The following PDE7B variants were observed in gnomAD, a reference collection of about 807,000 sequenced individuals.
The protein encoded by PDE7B is 3',5'-cyclic-AMP phosphodiesterase 7B.
PDE7B carries 29 observed loss-of-function variants against 56.2 expected under a neutral mutation model. The observed-to-expected ratio is 0.52, with a 90% CI of 0.38 to 0.70. The LOEUF is 0.70. Ranked by LOEUF, PDE7B falls within the 30% of genes least tolerant of loss-of-function variation. The pLI is 0.00. For missense variants in PDE7B, 490 were observed against 565.0 expected (o/e 0.87, Z 1.35); for synonymous variants, 197 against 196.9 (o/e 1.00, Z 0.00).
intron 8 of PDE7B, among the ~76,000 whole-genome samples, chr6:136,158,358 A>G (rs1214844893): frequency 6.6e-6 from 1 of 152,218 alleles, no homozygotes; most frequent in Non-Finnish European, 1.5e-5. Context: ...ATATATGTAC[A>G]TATACGCACA....
chr6:135,905,428 CAAAAG>C (rs1776082057), intron 1 of PDE7B, among the ~76,000 whole-genome samples: 1 of 151,374 alleles, frequency 6.6e-6, no homozygotes, highest in Admixed American at 6.6e-5. Flanking sequence ...AGGGAAGTGA[CAAAAG>C]AGAAACACTA....
intron 1 of PDE7B, among the ~76,000 whole-genome samples, chr6:135,921,088 G>A (rs369451443): frequency 4.3e-4 from 66 of 152,262 alleles, no homozygotes; most frequent in African/African-American, 1.6e-3. Context: ...GCCTATTAAA[G>A]TCAGTGAGTG....
intron 9 of PDE7B, among the ~76,000 whole-genome samples, chr6:136,176,660 C>A (rs1265210300): frequency 6.6e-6 from 1 of 152,002 alleles, no homozygotes; most frequent in Non-Finnish European, 1.5e-5. Context: ...TGTAGATGGA[C>A]TGTTGGTCAG....
chr6:135,947,334 C>A (rs1053200316), intron 1 of PDE7B, 130 bp from the exon 2 acceptor site: 24 of 719,248 alleles, frequency 3.3e-5, no homozygotes, highest in South Asian at 2.3e-4. Flanking sequence ...TGACATAAGT[C>A]CCTAGACTCA....
intron 2 of PDE7B, among the ~76,000 whole-genome samples, chr6:135,988,636 T>G (rs769143919): frequency 1.1e-4 from 17 of 152,184 alleles, no homozygotes; most frequent in Non-Finnish European, 2.5e-4. Flanking sequence ...TTCTTCTTCC[T>G]TAGAGATACA....
chr6:135,916,549 T>A (rs11154828), intron 1 of PDE7B, among the ~76,000 whole-genome samples: 1 of 151,448 alleles, frequency 6.6e-6, no homozygotes, highest in African/African-American at 2.4e-5. Context: ...ACCGCCACCA[T>A]GCCTGGCTAA....
At chr6:135,901,570 G>A (rs1776000923) in intron 1 of PDE7B, among the ~76,000 whole-genome samples, 1 of 152,112 alleles carries the variant, frequency 6.6e-6, no homozygotes, top group Admixed American at 6.5e-5. Context: ...CCAAGAGGTA[G>A]CCTCTCAGCG....
At chr6:136,137,369 G>T (rs1413157209) in intron 3 of PDE7B, among the ~76,000 whole-genome samples, 2 of 152,108 alleles carry the variant, frequency 1.3e-5, no homozygotes, top group African/African-American at 4.8e-5. Flanking sequence ...AATTATCAAA[G>T]TAGGGCTTAA....
chr6:136,138,355 T>C (rs1778252354), intron 3 of PDE7B, among the ~76,000 whole-genome samples: 1 of 152,154 alleles, frequency 6.6e-6, no homozygotes, highest in African/African-American at 2.4e-5. Context: ...AACCAGGACC[T>C]TGTACTATTA....
At chr6:136,112,059 G>C (rs903920013) in intron 3 of PDE7B, among the ~76,000 whole-genome samples, 1 of 152,092 alleles carries the variant, frequency 6.6e-6, no homozygotes, top group Non-Finnish European at 1.5e-5. Context: ...CCTTTCCAAA[G>C]TGTCGCTGGG....
At chr6:136,136,992 A>G (rs1439721224) in intron 3 of PDE7B, among the ~76,000 whole-genome samples, 1 of 152,126 alleles carries the variant, frequency 6.6e-6, no homozygotes, top group Non-Finnish European at 1.5e-5. Flanking sequence ...TACATGTAAG[A>G]TTATTATACA....
chr6:136,178,822 G>A (rs1027178396), intron 9 of PDE7B, among the ~76,000 whole-genome samples, 175 bp from the exon 10 acceptor site: 6 of 152,162 alleles, frequency 3.9e-5, no homozygotes, highest in African/African-American at 7.2e-5. Context: ...GTCCAAGGAC[G>A]CAACTGGTGG....
At chr6:136,024,786 A>G (rs986178448) in intron 2 of PDE7B, among the ~76,000 whole-genome samples, 1 of 152,244 alleles carries the variant, frequency 6.6e-6, no homozygotes, top group South Asian at 2.1e-4. Context: ...TTTGTTTCTG[A>G]AAAACTCTGC....
chr6:135,994,874 A>T (rs1029361555), intron 2 of PDE7B, among the ~76,000 whole-genome samples: 2 of 152,238 alleles, frequency 1.3e-5, no homozygotes, highest in Non-Finnish European at 2.9e-5. Flanking sequence ...GCATAGAAAC[A>T]GTGAGTGCTA....
At chr6:135,912,329 A>G (rs1289192322) in intron 1 of PDE7B, among the ~76,000 whole-genome samples, 1 of 152,208 alleles carries the variant, frequency 6.6e-6, no homozygotes, top group Non-Finnish European at 1.5e-5. Flanking sequence ...TTAAAACTCA[A>G]TAGAGTATAA....
intron 2 of PDE7B, among the ~76,000 whole-genome samples, chr6:135,966,149 A>G (rs1210749624): frequency 1.3e-5 from 2 of 152,154 alleles, no homozygotes; most frequent in Non-Finnish European, 2.9e-5. Flanking sequence ...AGAACATACC[A>G]CTTTAAAGGA....
Position 136,179,082 on chromosome 6 carries a change from C to T in PDE7B, c.889C>T (p.His297Tyr). ...QNEFLTRLKA[H>Y]LHNKDLRLED... ...TGAATTTTTGACCAGATTGAAAGCT[C>T]ACCTCCACAATAAAGACTTAAGACT... is the stretch of plus-strand genomic sequence containing the variant. The change falls in exon 10 of 13, where the codon CAC (histidine) becomes TAC (tyrosine). Residue 297 changes from histidine (H) to tyrosine (Y), a missense_variant. Transcript: ENST00000308191. 6.2e-7 allele frequency: 1 copy of T among 1,613,962 alleles called. No homozygotes were observed. Among genetic ancestry groups the T allele is most frequent in the African/African-American group, 1.3e-5 (1 of 75,042 alleles).
chr6:136,133,491 A>T (rs1265292194), intron 3 of PDE7B, among the ~76,000 whole-genome samples: 7 of 152,146 alleles, frequency 4.6e-5, no homozygotes, highest in Non-Finnish European at 1.5e-5. Flanking sequence ...TAGATGAGTG[A>T]ATCTTGCTTG....
chr6:135,887,215 T>C (rs1367106480), intron 1 of PDE7B, among the ~76,000 whole-genome samples: 1 of 152,180 alleles, frequency 6.6e-6, no homozygotes, highest in African/African-American at 2.4e-5. Flanking sequence ...GGATTATTTG[T>C]TTTTCTTCTT....
Sources: allele counts gnomAD v4.1 joint callset (sites outside exome capture counted in the v4.1 genomes callset), GRCh38; gene constraint gnomAD v4.1.1; transcripts MANE v1.5; gene names NCBI Gene and HGNC (gene_info 2026-07-23, HGNC 2026-07-21).